Variants in KRT83 observed in about 807,000 individuals in gnomAD.
The protein encoded by KRT83 is keratin, type II cuticular Hb3.
In KRT83, 51 loss-of-function variants were observed where a neutral mutation model predicts 52.9. The ratio of observed to expected loss-of-function variants is 0.96; its 90% CI spans 0.77 to 1.22. KRT83 has a LOEUF of 1.22. Ranked by LOEUF, KRT83 falls within the 50% of genes most tolerant of loss-of-function variation. The probability of loss-of-function intolerance (pLI) is 0.00; values close to 1 mark genes in which losing one functional copy is unlikely to be tolerated. For missense variants in KRT83, 654 were observed against 666.5 expected, an observed-to-expected ratio of 0.98 and a Z score of 0.21; for synonymous variants, 278 against 274.1, an observed-to-expected ratio of 1.01 and a Z score of -0.14.
chr12:52,320,907 C>T, intron 1 of KRT83, 45 bp downstream of exon 1: 21 of 1,613,682 alleles, frequency 1.3e-5, no homozygotes, highest in Non-Finnish European at 1.7e-5. Flanking sequence ...GAGTTCTGAA[C>T]ATGAGTAGGG....
chr12:52,314,993 G>A (rs1051106695), intron 8 of KRT83, among the ~76,000 whole-genome samples, 175 bp from the exon 9 acceptor site: 1 of 152,180 alleles, frequency 6.6e-6, no homozygotes, highest in Non-Finnish European at 1.5e-5. Context: ...TTCTGGTCCT[G>A]GTTCTGCTTT....
intron 2 of KRT83, 115 bp from the exon 3 acceptor site, chr12:52,318,085 A>G (rs967861377): frequency 2.5e-5 from 24 of 959,022 alleles, no homozygotes; most frequent in African/African-American, 2.1e-4. Context: ...CCTGCCCCCA[A>G]GTGAAATGGG....
chr12:52,319,047 TCTC>T, intron 2 of KRT83, 106 bp downstream of exon 2: 1 of 1,536,138 alleles, frequency 6.5e-7, no homozygotes, highest in Non-Finnish European at 9.0e-7. Context: ...TACAGGTTCT[TCTC>T]CACTCTCAGG....
In KRT83 at chr12:52,314,404, G is replaced by A. The variant is rs531678283; in HGVS notation, c.*227C>T. On this transcript the variant is annotated 3_prime_UTR_variant, in exon 9 of 9. Transcript: ENST00000293670. ...AGGGAAGCAAGGCCCTTCTCCCCGGGAGGGGCTGAAGGCTGAGACAGGGGA... is the reference window on the plus strand; with the variant it reads ...AGGGAAGCAAGGCCCTTCTCCCCGGAAGGGGCTGAAGGCTGAGACAGGGGA... The A allele has an allele frequency of 2.3e-4, 136 of 601,546 alleles. No homozygotes were observed. In the Admixed American group the frequency reaches 3.5e-3, roughly 16 times the overall value. The allele number at this position is 601,546 out of a possible 1,614,324, so 37.3% of individuals were successfully genotyped here.
chr12:52,320,916 G>C, intron 1 of KRT83, 36 bp downstream of exon 1: 7 of 1,613,738 alleles, frequency 4.3e-6, no homozygotes, highest in South Asian at 1.1e-5. Context: ...ACATGAGTAG[G>C]GGTTCAGGAA....
Position 52,314,595 on chromosome 12 carries a change from G to A in KRT83, c.*36C>T. 1 of 1,542,140 alleles carries A rather than the reference G, an allele frequency of 6.5e-7. No individual in the cohort carries two copies. The highest frequency in any genetic ancestry group is 8.8e-7 in the Non-Finnish European group (1 of 1,139,554). On this transcript the variant is annotated 3_prime_UTR_variant, in exon 9 of 9. Coordinates refer to ENST00000293670, the MANE Select transcript of KRT83 (RefSeq NM_002282.3). ...TGGTGGGGCAGTGGCACGTCTGGCA[G>A]GCAGAAGGGGCTCCCCTGGCTCTCT...
intron 4 of KRT83, 90 bp downstream of exon 4, chr12:52,317,591 G>A (rs2277384): frequency 1.4e-6 from 2 of 1,399,654 alleles, no homozygotes; most frequent in Non-Finnish European, 1.0e-6. Context: ...TCATATGTCA[G>A]CAGGCCTGGT....
chr12:52,316,476 T>C lies in KRT83; in HGVS notation c.1033A>G (p.Lys345Glu), dbSNP rs1227142395. The part of the protein sequence containing the change: ...QRLTAEVENA[K>E]CQNSKLEAAV... The stretch of plus-strand genomic sequence containing the variant: ...GGGCCGGGCTCTGGTACCTGGCACT[T>C]GGCATTCTCCACCTCGGCTGTCAGC... Residue 345 changes from lysine to glutamate, a missense_variant, in exon 6 of 9, where the codon AAG becomes GAG. Transcript: ENST00000293670. The C allele has an allele frequency of 1.3e-5, 21 of 1,614,184 alleles. No homozygotes were observed. In the South Asian group the frequency reaches 1.4e-4, roughly 11 times the overall value.
At chr12:52,314,865 C>T (rs746949034) in intron 8 of KRT83, 47 bp from the exon 9 acceptor site, 2 of 1,525,488 alleles carry the variant, frequency 1.3e-6, no homozygotes, top group African/African-American at 1.4e-5. Context: ...GATGGCCATC[C>T]CATCCAGCCA....
intron 4 of KRT83, 54 bp downstream of exon 4, chr12:52,317,627 G>A: frequency 3.2e-6 from 5 of 1,580,010 alleles, no homozygotes; most frequent in Non-Finnish European, 4.3e-6. Flanking sequence ...TCTGGGCAGA[G>A]GGTCAGGGAT....
chr12:52,316,272 A>G (rs982763683), intron 6 of KRT83, among the ~76,000 whole-genome samples, 159 bp from the exon 7 acceptor site: 4 of 151,816 alleles, frequency 2.6e-5, no homozygotes, highest in Non-Finnish European at 4.4e-5. Context: ...ACACACACAC[A>G]CACACACACA....
intron 4 of KRT83, among the ~76,000 whole-genome samples, chr12:52,317,442 G>A (rs963923299): frequency 1.3e-5 from 2 of 152,182 alleles, no homozygotes; most frequent in African/African-American, 2.4e-5. Flanking sequence ...TGCAGGGCAG[G>A]TTCCCAAGGC....
chr12:52,320,487 G>A (rs1007990803), intron 1 of KRT83, among the ~76,000 whole-genome samples: 8 of 152,290 alleles, frequency 5.3e-5, no homozygotes, highest in Admixed American at 2.0e-4. Flanking sequence ...CAGTGGCTTG[G>A]ACAAAATACT....
chr12:52,317,066 C>T, intron 4 of KRT83, 43 bp from the exon 5 acceptor site: 1 of 1,613,798 alleles, frequency 6.2e-7, no homozygotes, highest in Non-Finnish European at 8.5e-7. Context: ...CTTATCTGGG[C>T]TTCTCCTAAT....
intron 1 of KRT83, among the ~76,000 whole-genome samples, chr12:52,320,519 A>T (rs917059180): frequency 1.3e-5 from 2 of 152,210 alleles, no homozygotes; most frequent in Non-Finnish European, 2.9e-5. Context: ...TCAGTGGCCA[A>T]ATCACTGTGT....
chr12:52,318,224 G>A (rs1203959168), intron 2 of KRT83, among the ~76,000 whole-genome samples: 1 of 151,770 alleles, frequency 6.6e-6, no homozygotes, highest in Non-Finnish European at 1.5e-5. Context: ...CGCCCAGGTT[G>A]GAGCACAGTG....
At chr12:52,317,087 C>T in intron 4 of KRT83, 64 bp from the exon 5 acceptor site, 1 of 1,607,118 alleles carries the variant, frequency 6.2e-7, no homozygotes, top group Admixed American at 1.7e-5. Flanking sequence ...CCCTGGATGC[C>T]TATCATCCTT....
rs10651431 is a variant in KRT83 at position 52,314,946 on chromosome 12, A to AGGTGT, written c.1295-129_1295-128insACACC. On this transcript the variant is annotated intron_variant, in intron 8 of 8. Transcript: ENST00000293670. Reference sequence around the variant, plus strand: ...CAAAGAGCCTCCAGTTCTATTCTGAAGGAGGGAACCCTAGCCTGGGAGCCA... The same window carrying AGGTGT: ...CAAAGAGCCTCCAGTTCTATTCTGAAGGTGTGGAGGGAACCCTAGCCTGGGAGCCA... The AGGTGT allele has an allele frequency of 0.66, 637,468 of 966,300 alleles. 214,066 individuals carry two copies. Among genetic ancestry groups the AGGTGT allele is most frequent in the African/African-American group, 0.85 (52,120 of 61,230 alleles). 59.9% of individuals were successfully genotyped at this position (966,300 alleles called of 1,614,324 possible).
intron 8 of KRT83, among the ~76,000 whole-genome samples, 192 bp downstream of exon 8, chr12:52,315,120 C>T (rs1938666366): frequency 6.6e-6 from 1 of 152,274 alleles, no homozygotes; most frequent in East Asian, 1.9e-4. Context: ...ATTTTTTCCC[C>T]TCCCCAACAC....
Sources: allele counts gnomAD v4.1 joint callset (sites outside exome capture counted in the v4.1 genomes callset), GRCh38; gene constraint gnomAD v4.1.1; transcripts MANE v1.5; gene names NCBI Gene and HGNC (gene_info 2026-07-23, HGNC 2026-07-21).